The following PPP1R3F variants were observed in gnomAD, a reference collection of about 807,000 sequenced individuals.
PPP1R3F encodes the protein protein phosphatase 1 regulatory subunit 3F, also known as protein phosphatase 1, regulatory (inhibitor) subunit 3F.
A neutral mutation model predicts 24.2 loss-of-function variants in PPP1R3F; 29 were observed. The ratio of observed to expected loss-of-function variants is 1.20; its 90% CI spans 0.89 to 1.63. The LOEUF (loss-of-function observed/expected upper bound fraction) is 1.63. Ranked by LOEUF, PPP1R3F falls within the 40% of genes most tolerant of loss-of-function variation. The pLI is 0.00. For missense variants in PPP1R3F, 823 were observed against 729.3 expected (o/e 1.13, Z -1.48); for synonymous variants, 363 against 340.1 (o/e 1.07, Z -0.74).
At chrX:49,288,164 C>T (rs896189789), downstream of PPP1R3F, 1 of 112,704 alleles carries the variant, frequency 8.9e-6, no homozygotes, top group Non-Finnish European at 1.9e-5. Flanking sequence ...GAGCTTTCTT[C>T]AGTTCTTCTA....
At position 49,286,613 on chromosome X, in the gene PPP1R3F, T is replaced by A. The variant is rs2066286857; in HGVS notation, c.1923T>A (p.Asp641Glu). Residue 641 changes from aspartate to glutamate, a missense_variant, in exon 4 of 4, where the codon GAT becomes GAA. Physicochemically the swap from Asp to Glu is conservative, Grantham distance 45. Transcript: ENST00000055335. ...GTACAGAGGGTCAGTTCATTGGGGA[T>A]CCTGAGAAAGGGATGGGCAAGGACA... ...VLGTEGQFIG[D>E]PEKGMGKDTS... 1 of 1,210,936 alleles carries A rather than the reference T, an allele frequency of 8.3e-7. No homozygotes were observed. The highest frequency in any genetic ancestry group is 1.7e-5 in the African/African-American group (1 of 57,765).
Position 49,270,597 on chromosome X carries a change from T to C in PPP1R3F, c.728T>C (p.Phe243Ser). Residue 243 changes from phenylalanine to serine, a missense_variant, in exon 1 of 4, where the codon TTT becomes TCT. Transcript: ENST00000055335. ...GACGACGGCGGCCGCACCGACCGCT[T>C]TGCCTTCCAGCTGCCCTTTGCTGAG... ...SPDDGGRTDRFAFQLPFAEGA... is the reference protein window; with the variant it reads ...SPDDGGRTDRSAFQLPFAEGA... 1 of 1,205,031 alleles carries C rather than the reference T, an allele frequency of 8.3e-7. No homozygotes were observed. The highest frequency in any genetic ancestry group is 1.1e-6 in the Non-Finnish European group (1 of 894,429).
intron 1 of PPP1R3F, among the ~76,000 whole-genome samples, chrX:49,280,405 C>T (rs1186320969): frequency 1.8e-5 from 2 of 110,384 alleles, no homozygotes; most frequent in Admixed American, 9.6e-5. Flanking sequence ...CCCACCACCA[C>T]GCCCAGCTAA....
At chrX:49,271,159 C>G (rs2066177705) in intron 1 of PPP1R3F, among the ~76,000 whole-genome samples, 1 of 111,628 alleles carries the variant, frequency 9.0e-6, no homozygotes, top group Non-Finnish European at 1.9e-5. Flanking sequence ...TTTGAAAAAA[C>G]AAGCAAGCAA....
downstream of PPP1R3F, among the ~76,000 whole-genome samples, chrX:49,288,465 C>G (rs1210961680): frequency 5.3e-5 from 6 of 112,632 alleles, no homozygotes; most frequent in South Asian, 3.6e-4. Flanking sequence ...AACCACAATT[C>G]CAATAGAGTT....
At chrX:49,294,678 G>A (rs782571558) in intron 3 of PPP1R3F, among the ~76,000 whole-genome samples, 1 of 108,568 alleles carries the variant, frequency 9.2e-6, no homozygotes, top group Non-Finnish European at 1.9e-5. Flanking sequence ...GAGAGGCTGA[G>A]GGGGGGTGGA....
chrX:49,269,808 C>A lies in PPP1R3F; in HGVS notation c.-62C>A. 1.3e-6 allele frequency: 1 copy of A among 748,589 alleles called. No individual in the cohort carries two copies. Among genetic ancestry groups the A allele is most frequent in the Non-Finnish European group, 1.7e-6 (1 of 602,127 alleles). 61.7% of individuals were successfully genotyped at this position (748,589 alleles called of 1,213,427 possible). ...TGGCCTTCCCATTGGCTGCCCGCCCCTTCAGGCCCTGCCCCCGCCGGTCCC... is the reference window on the plus strand; with the variant it reads ...TGGCCTTCCCATTGGCTGCCCGCCCATTCAGGCCCTGCCCCCGCCGGTCCC... On this transcript the variant is annotated 5_prime_UTR_variant, in exon 1 of 4. Coordinates refer to ENST00000055335, the MANE Select transcript of PPP1R3F (RefSeq NM_033215.5).
At chrX:49,282,845 G>A (rs1286423613) in intron 3 of PPP1R3F, among the ~76,000 whole-genome samples, 1 of 109,506 alleles carries the variant, frequency 9.1e-6, no homozygotes, top group African/African-American at 3.3e-5. Context: ...GGACGGAGGA[G>A]GGATGTAATC....
chrX:49,291,316 C>CTCTCTCTGTCTCTCTCTGTCTG (rs1557122354), downstream of PPP1R3F, among the ~76,000 whole-genome samples: 1 of 88,352 alleles, frequency 1.1e-5, no homozygotes, highest in Non-Finnish European at 2.4e-5. Flanking sequence ...CTCTCTCTCT[C>CTCTCTCTGTCTCTCTCTGTCTG]TCTCTCTCTC....
chrX:49,286,049 G>T lies in PPP1R3F; in HGVS notation c.1359G>T (p.Gln453His). Residue 453 changes from glutamine (Q) to histidine (H), a missense_variant, in exon 4 of 4, where the codon CAG becomes CAT. Coordinates refer to ENST00000055335, the MANE Select transcript of PPP1R3F (RefSeq NM_033215.5). Reference sequence around the variant, plus strand: ...GGCCTTTCCTGGAGCCCAGTCAGCAGCAGGCAGAGGCCACATGGGGAGTAT... The same window carrying T: ...GGCCTTTCCTGGAGCCCAGTCAGCATCAGGCAGAGGCCACATGGGGAGTAT... Reference protein sequence around the residue: ...ATGPFLEPSQQQAEATWGVSS... With the variant: ...ATGPFLEPSQHQAEATWGVSS... 1 of 1,176,317 alleles carries T rather than the reference G, an allele frequency of 8.5e-7. No homozygotes were observed. Among genetic ancestry groups the T allele is most frequent in the East Asian group, 3.0e-5 (1 of 33,067 alleles).
intron 1 of PPP1R3F, chrX:49,273,247 A>G (rs2066192539): frequency 1.8e-5 from 2 of 111,420 alleles, no homozygotes; most frequent in Admixed American, 1.9e-4. Flanking sequence ...TGTCTGTAAG[A>G]TGCGACAGTT....
At chrX:49,298,008 C>A in intron 3 of PPP1R3F, among the ~76,000 whole-genome samples, 1 of 109,604 alleles carries the variant, frequency 9.1e-6, no homozygotes, top group Admixed American at 9.8e-5. Flanking sequence ...GGCATTTAGC[C>A]CGTTTACATT....
intron 1 of PPP1R3F, chrX:49,275,370 G>A (rs942662218): frequency 1.8e-5 from 2 of 110,730 alleles, no homozygotes; most frequent in African/African-American, 6.6e-5. Flanking sequence ...ATCCAAACTC[G>A]GCATCTCCAC....
At chrX:49,280,737 G>A (rs1557120599) in intron 1 of PPP1R3F, 1 of 110,064 alleles carries the variant, frequency 9.1e-6, no homozygotes, top group African/African-American at 3.3e-5. Context: ...AGTAGAGACA[G>A]GGTTTCATCA....
intron 3 of PPP1R3F, among the ~76,000 whole-genome samples, chrX:49,294,706 C>T (rs1167420347): frequency 1.9e-5 from 2 of 107,869 alleles, no homozygotes; most frequent in Non-Finnish European, 3.8e-5. Context: ...GTCAGGAGAT[C>T]GAGACCATCC....
At chrX:49,288,565 A>G (rs2066299832), downstream of PPP1R3F, among the ~76,000 whole-genome samples, 1 of 112,255 alleles carries the variant, frequency 8.9e-6, no homozygotes, top group Non-Finnish European at 1.9e-5. Flanking sequence ...TTGTAATGGT[A>G]TATTCAGATG....
At chrX:49,281,577 C>G (rs1248903538) in intron 2 of PPP1R3F, 116 bp downstream of exon 2, 2 of 599,687 alleles carry the variant, frequency 3.3e-6, no homozygotes, top group Non-Finnish European at 5.3e-6. Flanking sequence ...TGCCTGTAAT[C>G]CCAGCACTTT....
rs781790507 is a variant in PPP1R3F, at chrX:49,270,564, C to T, written c.695C>T (p.Ser232Phe). 7 of 1,202,637 alleles carry T rather than the reference C, an allele frequency of 5.8e-6. No individual in the cohort carries two copies. In the South Asian group the frequency reaches 1.2e-4, roughly 21 times the overall value. Residue 232 changes from serine (S) to phenylalanine (F), a missense_variant, in exon 1 of 4, where the codon TCC becomes TTC. By Grantham distance (155) the Ser-to-Phe change is radical. Transcript: ENST00000055335. ...CTGGGTCCCGGCCAGGCATCCGCCT[C>T]CTCGCCCGACGACGGCGGCCGCACC... ...LGLGPGQASASSPDDGGRTDR... is the reference protein window; with the variant it reads ...LGLGPGQASAFSPDDGGRTDR...
intron 1 of PPP1R3F, among the ~76,000 whole-genome samples, chrX:49,277,058 C>T (rs2077234768): frequency 8.9e-6 from 1 of 112,504 alleles, no homozygotes; most frequent in Non-Finnish European, 1.9e-5. Context: ...TGGGGGTGCT[C>T]CAGAGGACTC....
Sources: gnomAD v4.1 joint callset for allele counts (sites outside exome capture counted in the v4.1 genomes callset) on GRCh38, gnomAD v4.1.1 for gene constraint, MANE v1.5 for transcripts, NCBI Gene and HGNC (gene_info 2026-07-23, HGNC 2026-07-21) for gene names.